The following RMND5A variants were observed in gnomAD, a reference collection of about 807,000 sequenced individuals.
RMND5A encodes the protein required for meiotic nuclear division 5 homolog A.
A neutral mutation model predicts 49.7 loss-of-function variants in RMND5A; 17 were observed. The observed-to-expected ratio is 0.34, with a 90% CI of 0.23 to 0.51. The LOEUF (loss-of-function observed/expected upper bound fraction) is 0.51. Ranked by LOEUF, RMND5A falls within the 20% of genes least tolerant of loss-of-function variation. The pLI, the probability that RMND5A is intolerant of heterozygous loss-of-function variation, is 0.96. For missense variants in RMND5A, 255 were observed against 471.3 expected, an observed-to-expected ratio of 0.54 and a Z score of 4.25; for synonymous variants, 156 against 167.7, an observed-to-expected ratio of 0.93 and a Z score of 0.54.
intron 2 of RMND5A, among the ~76,000 whole-genome samples, chr2:86,745,443 A>G (rs1287157046): frequency 2.6e-5 from 4 of 152,226 alleles, no homozygotes; most frequent in Admixed American, 1.3e-4. Flanking sequence ...GCAGCAGAAC[A>G]GTGAGATGAG....
chr2:86,770,653 A>G (rs1672671906), intron 7 of RMND5A, among the ~76,000 whole-genome samples: 1 of 152,196 alleles, frequency 6.6e-6, no homozygotes, highest in Admixed American at 6.5e-5. Context: ...CAGCACGATC[A>G]CTTGCCAACT....
intron 2 of RMND5A, among the ~76,000 whole-genome samples, chr2:86,743,306 T>C (rs1437593507): frequency 6.6e-6 from 1 of 152,122 alleles, no homozygotes. Flanking sequence ...CAGGGGGATG[T>C]GTTCATGGTA....
At chr2:86,763,655 G>C (rs1672543609) in intron 4 of RMND5A, among the ~76,000 whole-genome samples, 1 of 151,972 alleles carries the variant, frequency 6.6e-6, no homozygotes. Context: ...ATACACCTGT[G>C]GTCCTAGCTA....
chr2:86,762,946 G>T (rs1041887203), intron 4 of RMND5A, among the ~76,000 whole-genome samples: 5 of 150,530 alleles, frequency 3.3e-5, no homozygotes, highest in Non-Finnish European at 7.4e-5. Context: ...AAGCTGAGGC[G>T]GGAGAATCGC....
intron 2 of RMND5A, among the ~76,000 whole-genome samples, chr2:86,750,353 C>G (rs748319837): frequency 2.0e-5 from 3 of 152,162 alleles, no homozygotes; most frequent in Non-Finnish European, 1.5e-5. Context: ...CATCTTCATT[C>G]CTGAAGGATA....
At chr2:86,765,323 A>G in intron 5 of RMND5A, 130 bp downstream of exon 5, 4 of 823,934 alleles carry the variant, frequency 4.9e-6, no homozygotes, top group Non-Finnish European at 7.3e-6. Flanking sequence ...ACTTACAGGA[A>G]AAGTTCTGAC....
At chr2:86,747,736 A>C (rs1681561529) in intron 2 of RMND5A, among the ~76,000 whole-genome samples, 1 of 152,224 alleles carries the variant, frequency 6.6e-6, no homozygotes, top group Non-Finnish European at 1.5e-5. Flanking sequence ...AATATATTTG[A>C]GAAACGGATG....
chr2:86,757,141 T>G, intron 4 of RMND5A, among the ~76,000 whole-genome samples: 1 of 130,404 alleles, frequency 7.7e-6, no homozygotes, highest in African/African-American at 3.0e-5. Flanking sequence ...GCCACTGCAC[T>G]CCAGCCTGGG....
At chr2:86,749,461 C>T (rs1681595897) in intron 2 of RMND5A, among the ~76,000 whole-genome samples, 1 of 151,724 alleles carries the variant, frequency 6.6e-6, no homozygotes, top group Admixed American at 6.6e-5. Flanking sequence ...GTGATCTCGG[C>T]TCACTGCAAC....
chr2:86,750,485 G>A (rs1223048391), intron 2 of RMND5A, among the ~76,000 whole-genome samples: 2 of 119,700 alleles, frequency 1.7e-5, no homozygotes, highest in South Asian at 5.3e-4. Context: ...TTTGAATCAT[G>A]GTTCCCCTGT....
Position 86,771,590 on chromosome 2 carries a change from T to C in RMND5A, c.990T>C (p.Tyr330=). ...IEVDLGKKCW[Y]HSIFACPILR... is the part of the protein sequence containing the mutation. ...TGGACCTTGGTAAAAAGTGCTGGTATCACTCTATATTTGCCTGCCCCATTC... is the reference window on the plus strand; with the variant it reads ...TGGACCTTGGTAAAAAGTGCTGGTACCACTCTATATTTGCCTGCCCCATTC... Residue 330 remains tyrosine, a synonymous_variant, in exon 8 of 9, where the codon TAT becomes TAC. Coordinates refer to ENST00000283632, the MANE Select transcript of RMND5A (RefSeq NM_022780.4). 1 of 1,612,940 alleles carries C rather than the reference T, an allele frequency of 6.2e-7. No homozygotes were observed. Among genetic ancestry groups the C allele is most frequent in the South Asian group, 1.1e-5 (1 of 90,994 alleles).
chr2:86,767,830 T>G (rs1344470948), intron 6 of RMND5A, among the ~76,000 whole-genome samples: 1 of 152,158 alleles, frequency 6.6e-6, no homozygotes, highest in Non-Finnish European at 1.5e-5. Flanking sequence ...TAAGGAGGAG[T>G]ATCCACAATG....
At chr2:86,732,346 G>A (rs2138393) in intron 1 of RMND5A, among the ~76,000 whole-genome samples, 10 of 150,372 alleles carry the variant, frequency 6.7e-5, no homozygotes, top group East Asian at 3.9e-4. Context: ...AGTGGCAGAC[G>A]GAAAATTAAA....
chr2:86,726,083 A>G (rs1681281679), intron 1 of RMND5A, among the ~76,000 whole-genome samples: 1 of 77,464 alleles, frequency 1.3e-5, no homozygotes, highest in Non-Finnish European at 2.6e-5. Context: ...AAACTTGTGG[A>G]GGTCACATTT....
chr2:86,734,780 T>TA (rs1267398044), intron 1 of RMND5A, among the ~76,000 whole-genome samples: 4 of 149,614 alleles, frequency 2.7e-5, no homozygotes, highest in Non-Finnish European at 4.4e-5. Flanking sequence ...GTATTTTTCC[T>TA]ACCTTGTTGT....
intron 4 of RMND5A, among the ~76,000 whole-genome samples, chr2:86,762,203 T>C (rs1442276900): frequency 6.6e-6 from 1 of 152,228 alleles, no homozygotes; most frequent in Non-Finnish European, 1.5e-5. Context: ...GTCTTCCTGG[T>C]GGTTTCAGAC....
intron 4 of RMND5A, among the ~76,000 whole-genome samples, chr2:86,755,796 C>T (rs1474626912): frequency 1.3e-5 from 2 of 152,030 alleles, no homozygotes; most frequent in Non-Finnish European, 2.9e-5. Flanking sequence ...GGACTTGTTC[C>T]ATAAGTAAAA....
At chr2:86,752,595 T>C (rs1166605058) in intron 3 of RMND5A, among the ~76,000 whole-genome samples, 1 of 152,238 alleles carries the variant, frequency 6.6e-6, no homozygotes, top group Non-Finnish European at 1.5e-5. Flanking sequence ...TATTCCTTGC[T>C]GCAATCCCAT....
chr2:86,770,032 A>G lies in RMND5A; in HGVS notation c.864A>G (p.Ala288=), dbSNP rs779204033. The G allele has an allele frequency of 1.9e-6, 3 of 1,613,508 alleles. No individual in the cohort carries two copies. The highest frequency in any genetic ancestry group is 2.5e-6 in the Non-Finnish European group (3 of 1,179,624). Residue 288 remains alanine (A), a synonymous_variant, in exon 7 of 9, where the codon GCA becomes GCG. Coordinates refer to ENST00000283632, the MANE Select transcript of RMND5A (RefSeq NM_022780.4). ...VESPLSVSFS[A]GCVALPALIN... ...TCTTCTGCTCTCCCAGTTTCTCAGC[A>G]GGTTGTGTGGCGCTGCCAGCTTTAA...
Sources: allele counts gnomAD v4.1 joint callset (sites outside exome capture counted in the v4.1 genomes callset), GRCh38; gene constraint gnomAD v4.1.1; transcripts MANE v1.5; gene names NCBI Gene and HGNC (gene_info 2026-07-23, HGNC 2026-07-21).